Variants in MYOZ2 observed in about 807,000 individuals in gnomAD.
The protein encoded by MYOZ2 is myozenin-2.
Under a neutral mutation model 25.4 loss-of-function variants are expected in MYOZ2, and 19 were observed. The ratio of observed to expected loss-of-function variants is 0.75; its 90% confidence interval spans 0.52 to 1.10. MYOZ2 has a LOEUF of 1.10. Among genes scored for constraint, MYOZ2 ranks in the 50% least tolerant of loss-of-function variants. The pLI, the probability that MYOZ2 is intolerant of heterozygous loss-of-function variation, is 0.00. For synonymous variants in MYOZ2, 92 were observed against 106.9 expected (o/e 0.86, Z 0.86); for missense variants, 270 against 317.9 (o/e 0.85, Z 1.15).
chr4:119,137,339 G>A (rs1321766867), intron 2 of MYOZ2, among the ~76,000 whole-genome samples: 1 of 152,066 alleles, frequency 6.6e-6, no homozygotes, highest in African/African-American at 2.4e-5. Context: ...ATTCAACTTT[G>A]TTTATAAGCA....
chr4:119,145,506 CTGTGTGTG>C (rs200111377), intron 2 of MYOZ2, among the ~76,000 whole-genome samples: 5,102 of 128,152 alleles, frequency 0.04, 115 homozygotes, highest in South Asian at 0.065. Flanking sequence ...CCAGCTAAAA[CTGTGTGTG>C]TGTGTGTGTG....
At chr4:119,163,422 A>G (rs1741750588) in intron 4 of MYOZ2, among the ~76,000 whole-genome samples, 1 of 152,210 alleles carries the variant, frequency 6.6e-6, no homozygotes, top group Non-Finnish European at 1.5e-5. Context: ...GTGTAAACAG[A>G]AAGTAGATAA....
intron 5 of MYOZ2, 125 bp from the exon 6 acceptor site, chr4:119,185,837 ATAAG>A (rs1742280651): frequency 3.9e-6 from 3 of 762,044 alleles, no homozygotes; most frequent in Non-Finnish European, 6.5e-6. Context: ...TTCATAGAAT[ATAAG>A]TAAGCCCATA....
chr4:119,141,439 G>A (rs186230331), intron 2 of MYOZ2, among the ~76,000 whole-genome samples: 15 of 152,216 alleles, frequency 9.9e-5, no homozygotes, highest in African/African-American at 3.4e-4. Flanking sequence ...CTGGAGTGCA[G>A]TGGTGCAATC....
rs138025069 is a variant in MYOZ2, at chr4:119,162,953, A to G, written c.377-1258A>G. On this transcript the variant is annotated intron_variant, in intron 4 of 5. Transcript: ENST00000307128. The stretch of plus-strand genomic sequence containing the variant: ...CAGTGGATCATTTATTTTGATAAAT[A>G]TAGTAAATAATTCAGTAGAGGGCTT... 4.1e-4 allele frequency among the ~76,000 whole-genome samples: 62 copies of G among 152,356 alleles called. No homozygotes were observed. The East Asian group carries it at 0.011, about 26-fold the overall frequency.
At chr4:119,143,666 G>T (rs374535767) in intron 2 of MYOZ2, among the ~76,000 whole-genome samples, 1 of 152,000 alleles carries the variant, frequency 6.6e-6, no homozygotes, top group South Asian at 2.1e-4. Flanking sequence ...ATAGTTTCTC[G>T]GCCCTAAAAA....
rs982499287 is a variant in MYOZ2 at position 119,187,774 on chromosome 4, G to T, written c.*1574G>T. 5 of 151,938 alleles carry T rather than the reference G, an allele frequency of 3.3e-5. No homozygotes were observed. The highest frequency in any genetic ancestry group is 2.9e-5 in the Non-Finnish European group (2 of 67,978). 9.4% of individuals were successfully genotyped at this position (151,938 alleles called of 1,614,324 possible). A position where few individuals can be genotyped will look rare whatever the true frequency, so the allele number is the denominator to read the frequency against. ...TTAATCTTTAAAAAATAAAAATTAGGCATATTAATTATGCATTTTGATGAA... is the reference window on the plus strand; with the variant it reads ...TTAATCTTTAAAAAATAAAAATTAGTCATATTAATTATGCATTTTGATGAA... On this transcript the variant is annotated 3_prime_UTR_variant, in exon 6 of 6. Transcript: ENST00000307128.
At chr4:119,138,186 C>A (rs866831591) in intron 2 of MYOZ2, among the ~76,000 whole-genome samples, 2 of 152,200 alleles carry the variant, frequency 1.3e-5, no homozygotes, top group Middle Eastern at 3.4e-3. Flanking sequence ...ACCAGTAAAT[C>A]CTAGCCACGT....
intron 5 of MYOZ2, among the ~76,000 whole-genome samples, chr4:119,182,068 T>G (rs1158343301): frequency 6.6e-6 from 1 of 152,210 alleles, no homozygotes; most frequent in African/African-American, 2.4e-5. Context: ...GATTATTTTC[T>G]CCACTGTGCA....
intron 4 of MYOZ2, among the ~76,000 whole-genome samples, chr4:119,163,742 A>G (rs1327633749): frequency 6.6e-6 from 1 of 152,128 alleles, no homozygotes; most frequent in African/African-American, 2.4e-5. Context: ...GAAGACAGAC[A>G]AGACCCAAAC....
rs552328635 is a variant in MYOZ2, at chr4:119,179,903, G to A, written c.561-6063G>A. On this transcript the variant is annotated intron_variant, in intron 5 of 5. Coordinates refer to ENST00000307128, the MANE Select transcript of MYOZ2 (RefSeq NM_016599.5). Reference sequence around the variant, plus strand: ...GCACTAATCCATTCATGAGGGCAGCGCCCTCATGACTTGGTAATTTCCCAA... The same window carrying A: ...GCACTAATCCATTCATGAGGGCAGCACCCTCATGACTTGGTAATTTCCCAA... 7.9e-5 allele frequency among the ~76,000 whole-genome samples: 12 copies of A among 152,274 alleles called. No homozygotes were observed. The South Asian group carries it at 2.5e-3, about 32-fold the overall frequency.
chr4:119,149,727 C>T (rs1741403978), intron 2 of MYOZ2, among the ~76,000 whole-genome samples: 1 of 152,062 alleles, frequency 6.6e-6, no homozygotes, highest in African/African-American at 2.4e-5. Context: ...TATTTAATAG[C>T]TTTACAGGAA....
At chr4:119,142,777 GA>G (rs1741187556) in intron 2 of MYOZ2, among the ~76,000 whole-genome samples, 1 of 152,156 alleles carries the variant, frequency 6.6e-6, no homozygotes, top group South Asian at 2.1e-4. Context: ...AGACTTGCAG[GA>G]AAGTGAGGGA....
rs1035300632 is a variant in MYOZ2 at position 119,157,649 on chromosome 4, C to T, written c.247-373C>T. Among the ~76,000 whole-genome samples, 15 of 152,230 alleles carry T rather than the reference C, an allele frequency of 9.9e-5. No homozygotes were observed. The South Asian group carries it at 2.1e-3, about 21-fold the overall frequency. On this transcript the variant is annotated intron_variant, in intron 3 of 5. Transcript: ENST00000307128. Reference sequence around the variant, plus strand: ...CTAGGCCAAATGCTTAGCCAGTATGCTCTACATTATTAGATTAGTAAGGAT... The same window carrying T: ...CTAGGCCAAATGCTTAGCCAGTATGTTCTACATTATTAGATTAGTAAGGAT...
intron 2 of MYOZ2, among the ~76,000 whole-genome samples, chr4:119,149,180 A>C (rs1741387813): frequency 6.6e-6 from 1 of 152,040 alleles, no homozygotes; most frequent in Non-Finnish European, 1.5e-5. Flanking sequence ...CCTCTTTGTT[A>C]TTGCTGGGAG....
chr4:119,150,934 T>C lies in MYOZ2; in HGVS notation c.139T>C (p.Leu47=). The change falls in exon 3 of 6, where the codon TTA becomes CTA. Residue 47 remains leucine (L), a synonymous_variant. Transcript: ENST00000307128. The part of the protein sequence containing the change: ...SIPRDIMLEE[L]SHLSNRGARL... ...CCCCAGAGACATCATGTTGGAAGAA[T>C]TATCCCATCTCAGTAACCGTGGTGC... The C allele has an allele frequency of 6.2e-7, 1 of 1,613,884 alleles. No individual in the cohort carries two copies. Among genetic ancestry groups the C allele is most frequent in the South Asian group, 1.1e-5 (1 of 91,072 alleles).
At chr4:119,155,203 T>A (rs1741546940) in intron 3 of MYOZ2, among the ~76,000 whole-genome samples, 1 of 152,102 alleles carries the variant, frequency 6.6e-6, no homozygotes, top group Non-Finnish European at 1.5e-5. Context: ...GGAATCCACC[T>A]CCATGACCAA....
At chr4:119,176,419 C>T (rs904730151) in intron 5 of MYOZ2, among the ~76,000 whole-genome samples, 2 of 152,140 alleles carry the variant, frequency 1.3e-5, no homozygotes, top group African/African-American at 4.8e-5. Flanking sequence ...GACAGGGTTT[C>T]GCCATGTTGG....
chr4:119,167,103 T>C (rs1042701065), intron 5 of MYOZ2, among the ~76,000 whole-genome samples: 2 of 152,200 alleles, frequency 1.3e-5, no homozygotes, highest in African/African-American at 4.8e-5. Flanking sequence ...GAGGAAGACA[T>C]GTCAAAAGCA....
Sources: allele counts gnomAD v4.1 joint callset (sites outside exome capture counted in the v4.1 genomes callset), GRCh38; gene constraint gnomAD v4.1.1; transcripts MANE v1.5; gene names NCBI Gene and HGNC (gene_info 2026-07-23, HGNC 2026-07-21).